The following EXT2 variants were observed in gnomAD, a reference collection of about 807,000 sequenced individuals.
EXT2 encodes the protein exostosin glycosyltransferase 2, also known as exostosin-2.
EXT2 carries 53 observed loss-of-function variants against 81.6 expected under a neutral mutation model. The observed-to-expected ratio is 0.65, with a 90% CI of 0.52 to 0.82. The LOEUF (loss-of-function observed/expected upper bound fraction) is 0.82, where lower values mean the gene tolerates loss of function less well. Among genes scored for constraint, EXT2 ranks in the 40% least tolerant of loss-of-function variants. EXT2 has a pLI of 0.00. For synonymous variants in EXT2, 320 were observed against 340.0 expected, an observed-to-expected ratio of 0.94 and a Z score of 0.65; for missense variants, 774 against 910.2, an observed-to-expected ratio of 0.85 and a Z score of 1.93.
At chr11:44,155,651 C>T (rs1216777532) in intron 7 of EXT2, among the ~76,000 whole-genome samples, 2 of 152,112 alleles carry the variant, frequency 1.3e-5, no homozygotes, top group Non-Finnish European at 2.9e-5. Flanking sequence ...CTCCTCCCTA[C>T]CTTTTAACAT....
intron 10 of EXT2, among the ~76,000 whole-genome samples, chr11:44,225,399 T>C (rs1450397255): frequency 6.6e-6 from 1 of 152,208 alleles, no homozygotes; most frequent in East Asian, 1.9e-4. Context: ...CATATGGCTT[T>C]CTTTGCTAGA....
At chr11:44,145,257 G>T (rs1954701363) in intron 7 of EXT2, among the ~76,000 whole-genome samples, 1 of 152,054 alleles carries the variant, frequency 6.6e-6, no homozygotes, top group Non-Finnish European at 1.5e-5. Flanking sequence ...TAAAAACATT[G>T]AGTAGAAAAT....
At position 44,244,085 on chromosome 11, in the gene EXT2, C is replaced by A. The variant is rs1055958853; in HGVS notation, c.2019-64C>A. The A allele has an allele frequency of 3.0e-5, 43 of 1,437,038 alleles. 5 individuals are homozygous for A. In the Admixed American group the frequency reaches 3.2e-4, roughly 11 times the overall value. The allele number at this position is 1,437,038 out of a possible 1,614,324, so 89.0% of individuals were successfully genotyped here. A position where few individuals can be genotyped will look rare whatever the true frequency, so the allele number is the denominator to read the frequency against. On this transcript the variant is annotated intron_variant, in intron 13 of 13. Transcript: ENST00000533608. ...CCTCTTGAACATACTATCTTTTCTC[C>A]CTGCCCCCATCCTTCTCATTCTGCT...
chr11:44,171,184 G>A lies in EXT2; in HGVS notation c.1174-427G>A, dbSNP rs185559598. On this transcript the variant is annotated intron_variant, in intron 7 of 13. Coordinates refer to ENST00000533608, the MANE Select transcript of EXT2 (RefSeq NM_207122.2). ...TGAGATACTGACTGGGAAATAGCAT[G>A]AGGGAATCTTTTGGAATGCTGGAAT... Among the ~76,000 whole-genome samples, 2 of 152,290 alleles carry A rather than the reference G, an allele frequency of 1.3e-5. 1 individual carries two copies. The highest frequency in any genetic ancestry group is 3.9e-4 in the East Asian group (2 of 5,192).
intron 2 of EXT2, 51 bp from the exon 3 acceptor site, chr11:44,109,143 T>C (rs774161825): frequency 1.3e-6 from 2 of 1,592,226 alleles, no homozygotes; most frequent in South Asian, 1.1e-5. Context: ...CTGACTCTTG[T>C]CTTTTCATAG....
At chr11:44,177,979 C>T (rs1399569713) in intron 8 of EXT2, among the ~76,000 whole-genome samples, 1 of 152,182 alleles carries the variant, frequency 6.6e-6, no homozygotes, top group Non-Finnish European at 1.5e-5. Context: ...GCAATCAAAG[C>T]CTCAGATGAG....
intron 1 of EXT2, chr11:44,096,219 C>A: frequency 6.5e-7 from 1 of 1,533,706 alleles, no homozygotes; most frequent in Non-Finnish European, 8.7e-7. Flanking sequence ...GCCACCTTCC[C>A]GCCAGCCACA....
intron 13 of EXT2, among the ~76,000 whole-genome samples, chr11:44,242,449 A>C (rs1437708800): frequency 6.6e-6 from 1 of 152,160 alleles, no homozygotes. Context: ...AGCAGGAGGG[A>C]CACTCAGTCA....
At chr11:44,208,071 TA>T (rs1345136610) in intron 10 of EXT2, among the ~76,000 whole-genome samples, 2 of 152,234 alleles carry the variant, frequency 1.3e-5, no homozygotes, top group Non-Finnish European at 2.9e-5. Flanking sequence ...GATTTATTTT[TA>T]TTCATAGGAG....
intron 8 of EXT2, among the ~76,000 whole-genome samples, chr11:44,183,670 A>G (rs1318459329): frequency 6.6e-6 from 1 of 151,596 alleles, no homozygotes; most frequent in East Asian, 1.9e-4. Context: ...TGCATGCTAG[A>G]TAACTTTTTC....
intron 13 of EXT2, among the ~76,000 whole-genome samples, chr11:44,237,642 A>G (rs763502016): frequency 1.3e-5 from 2 of 152,116 alleles, no homozygotes; most frequent in African/African-American, 4.8e-5. Flanking sequence ...AAAATGGTGT[A>G]TCGGATATAT....
At chr11:44,111,267 A>T (rs1954138226) in intron 3 of EXT2, among the ~76,000 whole-genome samples, 1 of 152,204 alleles carries the variant, frequency 6.6e-6, no homozygotes, top group Non-Finnish European at 1.5e-5. Context: ...AAAAATCCAT[A>T]CACATGATAC....
chr11:44,167,784 AG>A (rs1464988664), intron 7 of EXT2, among the ~76,000 whole-genome samples: 11 of 152,234 alleles, frequency 7.2e-5, no homozygotes, highest in African/African-American at 2.7e-4. Context: ...ATTATGTTCA[AG>A]AAAGTAGAAG....
chr11:44,142,920 T>C (rs1401042717), intron 7 of EXT2, among the ~76,000 whole-genome samples: 1 of 152,232 alleles, frequency 6.6e-6, no homozygotes, highest in Non-Finnish European at 1.5e-5. Context: ...ATATGATATA[T>C]CAGATATATA....
At chr11:44,125,082 C>A in intron 5 of EXT2, 98 bp downstream of exon 5, 1 of 1,122,106 alleles carries the variant, frequency 8.9e-7, no homozygotes, top group Non-Finnish European at 1.3e-6. Flanking sequence ...CAGCATGCAA[C>A]TAGAATTACC....
chr11:44,185,968 A>G (rs1056712715), intron 8 of EXT2, among the ~76,000 whole-genome samples: 3 of 152,360 alleles, frequency 2.0e-5, no homozygotes, highest in East Asian at 1.9e-4. Flanking sequence ...ATGTAGTAGT[A>G]TAAGCCATCA....
At chr11:44,112,361 A>T (rs965193131) in intron 3 of EXT2, among the ~76,000 whole-genome samples, 11 of 152,234 alleles carry the variant, frequency 7.2e-5, no homozygotes, top group African/African-American at 2.7e-4. Context: ...CCTGAGTCAG[A>T]TCATCATATT....
chr11:44,150,822 G>A (rs1479823901), intron 7 of EXT2, among the ~76,000 whole-genome samples: 1 of 152,200 alleles, frequency 6.6e-6, no homozygotes, highest in Non-Finnish European at 1.5e-5. Context: ...AACAGCTGTA[G>A]TATTTATGGG....
intron 1 of EXT2, among the ~76,000 whole-genome samples, chr11:44,103,302 G>A (rs1954012016): frequency 6.6e-6 from 1 of 151,894 alleles, no homozygotes; most frequent in African/African-American, 2.4e-5. Flanking sequence ...GTGAATTGAT[G>A]TATTTTATCA....
Sources: gnomAD v4.1 joint callset for allele counts (sites outside exome capture counted in the v4.1 genomes callset) on GRCh38, gnomAD v4.1.1 for gene constraint, MANE v1.5 for transcripts, NCBI Gene and HGNC (gene_info 2026-07-23, HGNC 2026-07-21) for gene names.